Variants in KCTD16 observed in about 807,000 individuals in gnomAD.
KCTD16 encodes the protein BTB/POZ domain-containing protein KCTD16.
In KCTD16, 13 loss-of-function variants were observed where a neutral mutation model predicts 33.2. The ratio of observed to expected loss-of-function variants is 0.39; its 90% CI spans 0.25 to 0.62. The LOEUF (loss-of-function observed/expected upper bound fraction) is 0.62. KCTD16 is among the 20% of genes least tolerant of loss of function. The pLI is 0.50. For synonymous variants in KCTD16, 197 were observed against 195.3 expected (o/e 1.01, Z -0.07); for missense variants, 441 against 525.1 (o/e 0.84, Z 1.57).
intron 3 of KCTD16, among the ~76,000 whole-genome samples, chr5:144,306,047 G>GT (rs1350533075): frequency 6.6e-6 from 1 of 151,972 alleles, no homozygotes; most frequent in Admixed American, 6.5e-5. Flanking sequence ...GAGCAATGAG[G>GT]TTTGTTGTGA....
At chr5:144,246,302 A>G (rs1025543109) in intron 3 of KCTD16, among the ~76,000 whole-genome samples, 1 of 152,214 alleles carries the variant, frequency 6.6e-6, no homozygotes, top group African/African-American at 2.4e-5. Context: ...ATTCCAGGTA[A>G]CATTAAAAAA....
chr5:144,372,478 A>G (rs961999958), intron 3 of KCTD16, among the ~76,000 whole-genome samples: 1 of 152,224 alleles, frequency 6.6e-6, no homozygotes, highest in Non-Finnish European at 1.5e-5. Context: ...GGGACTGCCA[A>G]TTCCATAAGC....
chr5:144,354,866 A>G (rs888530681), intron 3 of KCTD16, among the ~76,000 whole-genome samples: 1 of 152,188 alleles, frequency 6.6e-6, no homozygotes, highest in Admixed American at 6.5e-5. Flanking sequence ...TTTCATTTAG[A>G]GTGTCATGTA....
intron 3 of KCTD16, among the ~76,000 whole-genome samples, chr5:144,363,256 C>A (rs988091301): frequency 3.9e-5 from 6 of 152,080 alleles, no homozygotes; most frequent in African/African-American, 1.4e-4. Flanking sequence ...GCATGAGAAT[C>A]ATTTGAACCT....
At chr5:144,346,651 T>A (rs1752808164) in intron 3 of KCTD16, among the ~76,000 whole-genome samples, 1 of 152,224 alleles carries the variant, frequency 6.6e-6, no homozygotes, top group Non-Finnish European at 1.5e-5. Context: ...CATTTTTATG[T>A]CTTCTTTTGA....
intron 3 of KCTD16, among the ~76,000 whole-genome samples, chr5:144,289,180 T>C (rs1308202597): frequency 6.6e-6 from 1 of 152,202 alleles, no homozygotes; most frequent in Non-Finnish European, 1.5e-5. Flanking sequence ...TAGAATGTGT[T>C]GGAAGATGAA....
chr5:144,265,712 A>G (rs1025825369), intron 3 of KCTD16, among the ~76,000 whole-genome samples: 1 of 152,230 alleles, frequency 6.6e-6, no homozygotes, highest in African/African-American at 2.4e-5. Context: ...ACATAAATAT[A>G]TGTCATGTGT....
chr5:144,342,837 C>A (rs1032621288), intron 3 of KCTD16, among the ~76,000 whole-genome samples: 1 of 152,152 alleles, frequency 6.6e-6, no homozygotes, highest in Non-Finnish European at 1.5e-5. Context: ...TTGAGATAAT[C>A]ATGTGGTTTT....
In KCTD16 at chr5:144,481,869, A is replaced by AAT. The variant is rs1481386461; in HGVS notation, c.*7762_*7763dup. ...ATGGTTTAAATATCCAGTTATAAAT[A>AAT]ATATATATTACAGATTTATTATTAT... On this transcript the variant is annotated 3_prime_UTR_variant, in exon 4 of 4. Coordinates refer to ENST00000512467, the MANE Select transcript of KCTD16 (RefSeq NM_020768.4). 6.6e-6 allele frequency: 1 copy of AAT among 151,910 alleles called. No individual in the cohort carries two copies. The highest frequency in any genetic ancestry group is 1.5e-5 in the Non-Finnish European group (1 of 67,934). The allele number at this position is 151,910 out of a possible 1,614,324, so 9.4% of individuals were successfully genotyped here.
At chr5:144,209,616 T>A (rs1753302896) in intron 3 of KCTD16, among the ~76,000 whole-genome samples, 1 of 151,808 alleles carries the variant, frequency 6.6e-6, no homozygotes, top group Non-Finnish European at 1.5e-5. Flanking sequence ...TGCTTAGCCA[T>A]AATTATTTAA....
chr5:144,322,160 A>T (rs1298303449), intron 3 of KCTD16, among the ~76,000 whole-genome samples: 3 of 152,146 alleles, frequency 2.0e-5, no homozygotes, highest in Non-Finnish European at 4.4e-5. Flanking sequence ...ATAAAATCAT[A>T]GTTCCTCACC....
chr5:144,364,958 G>A (rs1210550583), intron 3 of KCTD16, among the ~76,000 whole-genome samples: 1 of 151,718 alleles, frequency 6.6e-6, no homozygotes, highest in Non-Finnish European at 1.5e-5. Flanking sequence ...GGCTGTTTTA[G>A]TAATTATCAT....
In KCTD16 at chr5:144,345,207, G is replaced by T. The variant is rs887183136; in HGVS notation, c.833-128453G>T. On this transcript the variant is annotated intron_variant, in intron 3 of 3. Coordinates refer to ENST00000512467, the MANE Select transcript of KCTD16 (RefSeq NM_020768.4). ...ACATCACACTCTGGGGACTGTTGTG[G>T]GGTGGGGGAGGGGGGAGGGATAGCA... is the stretch of plus-strand genomic sequence containing the variant. Among the ~76,000 whole-genome samples the T allele has an allele frequency of 2.1e-5, 3 of 142,006 alleles. No individual in the cohort carries two copies. In the Admixed American group the frequency reaches 2.1e-4, roughly 10 times the overall value. The allele number at this position is 142,006 out of a possible 152,430, so 93.2% of individuals were successfully genotyped here.
At chr5:144,393,357 G>A (rs1485999186) in intron 3 of KCTD16, among the ~76,000 whole-genome samples, 1 of 152,138 alleles carries the variant, frequency 6.6e-6, no homozygotes, top group African/African-American at 2.4e-5. Context: ...CATATGAGAA[G>A]TTTGAAATGT....
chr5:144,388,065 G>GTTTTTTTT lies in KCTD16; in HGVS notation c.833-85572_833-85565dup, dbSNP rs397999492. ...AATCCAGAGTTCAATTTTAGAGCAA[G>GTTTTTTTT]TTTTTTTTTTTTTTTTTTTTTTTTT... On this transcript the variant is annotated intron_variant, in intron 3 of 3. Coordinates refer to ENST00000512467, the MANE Select transcript of KCTD16 (RefSeq NM_020768.4). Among the ~76,000 whole-genome samples, 137 of 73,658 alleles carry GTTTTTTTT rather than the reference G, an allele frequency of 1.9e-3. 26 individuals are homozygous for GTTTTTTTT. Among genetic ancestry groups the GTTTTTTTT allele is most frequent in the Middle Eastern group, 0.011 (1 of 92 alleles). The allele number at this position is 73,658 out of a possible 152,430, so 48.3% of individuals were successfully genotyped here.
At chr5:144,174,000 G>T (rs1474989640) in intron 1 of KCTD16, among the ~76,000 whole-genome samples, 1 of 150,836 alleles carries the variant, frequency 6.6e-6, no homozygotes, top group Non-Finnish European at 1.5e-5. Flanking sequence ...GCCGTCCTCT[G>T]TTAAAGTCAC....
chr5:144,172,221 A>G (rs1252311862), intron 1 of KCTD16, among the ~76,000 whole-genome samples: 2 of 152,186 alleles, frequency 1.3e-5, no homozygotes, highest in African/African-American at 4.8e-5. Flanking sequence ...TACTCTAGAG[A>G]CCAACAGGCA....
intron 3 of KCTD16, among the ~76,000 whole-genome samples, chr5:144,376,509 G>T (rs1229731340): frequency 6.6e-6 from 1 of 152,072 alleles, no homozygotes; most frequent in Non-Finnish European, 1.5e-5. Context: ...AAAATTGGAG[G>T]CTACTCTGTG....
chr5:144,398,708 A>ACTCTCTCTCTCT lies in KCTD16; in HGVS notation c.833-74939_833-74928dup, dbSNP rs367796082. 6.0e-3 allele frequency among the ~76,000 whole-genome samples: 869 copies of ACTCTCTCTCTCT among 145,524 alleles called. 9 individuals carry two copies. The highest frequency in any genetic ancestry group is 0.021 in the African/African-American group (833 of 39,826). On this transcript the variant is annotated intron_variant, in intron 3 of 3. Transcript: ENST00000512467. ...CTTTGAATATATTACACACACACAC[A>ACTCTCTCTCTCT]CTCTCTCTCTCTCTCTCTCTCTCTT...
Sources: gnomAD v4.1 joint callset for allele counts (sites outside exome capture counted in the v4.1 genomes callset) on GRCh38, gnomAD v4.1.1 for gene constraint, MANE v1.5 for transcripts, NCBI Gene and HGNC (gene_info 2026-07-23, HGNC 2026-07-21) for gene names.